Variants in SYT1 observed in about 807,000 individuals in gnomAD.
SYT1 encodes synaptotagmin-1.
In SYT1, 8 loss-of-function variants were observed where a neutral mutation model predicts 44.8. The ratio of observed to expected loss-of-function variants is 0.18; its 90% confidence interval spans 0.10 to 0.32. SYT1 has a LOEUF of 0.32. Ranked by LOEUF, SYT1 falls within the 10% of genes least tolerant of loss-of-function variation. The pLI is 1.00. For synonymous variants in SYT1, 154 were observed against 188.8 expected (o/e 0.82, Z 1.51); for missense variants, 286 against 509.3 (o/e 0.56, Z 4.22).
At chr12:79,093,957 AG>A (rs1207010607) in intron 3 of SYT1, among the ~76,000 whole-genome samples, 3 of 151,706 alleles carry the variant, frequency 2.0e-5, no homozygotes, top group African/African-American at 7.2e-5. Context: ...TAGAAACAAA[AG>A]CTTTCTCATA....
intron 8 of SYT1, among the ~76,000 whole-genome samples, chr12:79,328,643 G>A (rs1339025705): frequency 2.6e-5 from 4 of 151,956 alleles, no homozygotes; most frequent in South Asian, 2.1e-4. Flanking sequence ...TTAGGAGATC[G>A]AGACCATCCT....
intron 9 of SYT1, among the ~76,000 whole-genome samples, chr12:79,423,084 A>T (rs1869216674): frequency 6.6e-6 from 1 of 152,150 alleles, no homozygotes; most frequent in Non-Finnish European, 1.5e-5. Flanking sequence ...TTCACCAGTA[A>T]GGTTCCAGGG....
intron 9 of SYT1, among the ~76,000 whole-genome samples, chr12:79,396,065 T>C (rs1404018343): frequency 2.8e-4 from 42 of 152,146 alleles, no homozygotes; most frequent in Non-Finnish European, 1.0e-4. Flanking sequence ...ACATACAAAA[T>C]TATCTATAAC....
At chr12:79,069,808 G>C (rs912413698) in intron 3 of SYT1, among the ~76,000 whole-genome samples, 1 of 151,936 alleles carries the variant, frequency 6.6e-6, no homozygotes, top group Non-Finnish European at 1.5e-5. Context: ...TAAAGTGTTT[G>C]GGTGAAAGAA....
chr12:78,994,892 G>GT (rs958419476), intron 2 of SYT1, among the ~76,000 whole-genome samples: 17 of 152,124 alleles, frequency 1.1e-4, no homozygotes, highest in African/African-American at 4.1e-4. Context: ...CAGAGTTTCT[G>GT]TTTTTTGTTT....
At chr12:79,383,403 T>A (rs1236188348) in intron 9 of SYT1, among the ~76,000 whole-genome samples, 1 of 152,198 alleles carries the variant, frequency 6.6e-6, no homozygotes, top group African/African-American at 2.4e-5. Context: ...ACCAAAACAT[T>A]CTTGTATTTC....
intron 1 of SYT1, among the ~76,000 whole-genome samples, chr12:78,866,588 T>C (rs1029543472): frequency 1.3e-5 from 2 of 152,188 alleles, no homozygotes; most frequent in Admixed American, 6.5e-5. Context: ...ATAAGCTTTC[T>C]TTTCTTATTA....
At chr12:79,352,461 C>T (rs911917553) in intron 8 of SYT1, among the ~76,000 whole-genome samples, 3 of 152,050 alleles carry the variant, frequency 2.0e-5, no homozygotes, top group African/African-American at 7.2e-5. Context: ...GTGGGAAACA[C>T]TAAAATAAGT....
At chr12:79,022,508 G>A (rs1315627346) in intron 2 of SYT1, among the ~76,000 whole-genome samples, 1 of 151,710 alleles carries the variant, frequency 6.6e-6, no homozygotes, top group African/African-American at 2.4e-5. Context: ...CTTGACTGAA[G>A]AAGCAGAGTC....
At chr12:78,978,182 T>C (rs1304028266) in intron 2 of SYT1, among the ~76,000 whole-genome samples, 1 of 152,228 alleles carries the variant, frequency 6.6e-6, no homozygotes, top group Non-Finnish European at 1.5e-5. Context: ...CACTGGCTCC[T>C]TGTATAACAT....
chr12:78,900,945 A>G (rs958099717), intron 1 of SYT1, among the ~76,000 whole-genome samples: 1 of 152,118 alleles, frequency 6.6e-6, no homozygotes, highest in Non-Finnish European at 1.5e-5. Context: ...ATCATTTGAC[A>G]TAGTATTTTC....
chr12:78,984,208 T>G (rs1422251495), intron 2 of SYT1, among the ~76,000 whole-genome samples: 1 of 151,902 alleles, frequency 6.6e-6, no homozygotes, highest in East Asian at 1.9e-4. Flanking sequence ...TCAAAACAAT[T>G]ACAGCCCTTA....
At chr12:79,256,617 G>A (rs896973741) in intron 4 of SYT1, among the ~76,000 whole-genome samples, 11 of 151,512 alleles carry the variant, frequency 7.3e-5, no homozygotes, top group Non-Finnish European at 1.5e-4. Context: ...ATCTTTAAAA[G>A]GGGTTGGTCA....
At chr12:79,181,547 A>G (rs937843898) in intron 3 of SYT1, among the ~76,000 whole-genome samples, 3 of 151,894 alleles carry the variant, frequency 2.0e-5, no homozygotes, top group East Asian at 1.9e-4. Context: ...CTCCATATCA[A>G]CCGTATACCT....
intron 2 of SYT1, among the ~76,000 whole-genome samples, chr12:78,998,508 G>A (rs1441328586): frequency 6.6e-6 from 1 of 152,162 alleles, no homozygotes; most frequent in Non-Finnish European, 1.5e-5. Context: ...CATAGGGCCT[G>A]CACATGGAGG....
chr12:78,866,504 G>A (rs930652422), intron 1 of SYT1, among the ~76,000 whole-genome samples: 1 of 152,184 alleles, frequency 6.6e-6, no homozygotes, highest in Admixed American at 6.5e-5. Flanking sequence ...CTGCATAATA[G>A]GTCAAGTAAA....
At chr12:78,912,841 C>G (rs991308365) in intron 1 of SYT1, among the ~76,000 whole-genome samples, 1 of 151,808 alleles carries the variant, frequency 6.6e-6, no homozygotes, top group Non-Finnish European at 1.5e-5. Flanking sequence ...ACTGGGAATA[C>G]CCACTTAGTA....
chr12:79,024,022 C>T (rs150331404), intron 2 of SYT1, among the ~76,000 whole-genome samples: 14 of 151,834 alleles, frequency 9.2e-5, no homozygotes, highest in African/African-American at 1.9e-4. Context: ...TTAAATTCTT[C>T]GCAACACTGC....
At chr12:79,165,714 A>G (rs1389771168) in intron 3 of SYT1, among the ~76,000 whole-genome samples, 1 of 151,964 alleles carries the variant, frequency 6.6e-6, no homozygotes, top group Non-Finnish European at 1.5e-5. Flanking sequence ...TTTAGTCCTT[A>G]TAACATAACT....
Sources: gnomAD v4.1 joint callset for allele counts (sites outside exome capture counted in the v4.1 genomes callset) on GRCh38, gnomAD v4.1.1 for gene constraint, MANE v1.5 for transcripts, NCBI Gene and HGNC (gene_info 2026-07-23, HGNC 2026-07-21) for gene names.